CASK: variants seen among roughly 807,000 people sequenced by gnomAD.
The protein encoded by CASK is calcium/calmodulin dependent serine protein kinase.
In CASK, 4 loss-of-function variants were observed where a neutral mutation model predicts 82.9. The ratio of observed to expected loss-of-function variants is 0.05; its 90% CI spans 0.02 to 0.11. The LOEUF is 0.11. Among genes scored for constraint, CASK ranks in the 10% least tolerant of loss-of-function variants. The pLI is 1.00. For synonymous variants in CASK, 259 were observed against 253.5 expected (o/e 1.02, Z -0.20); for missense variants, 358 against 720.9 (o/e 0.50, Z 5.76).
intron 12 of CASK, among the ~76,000 whole-genome samples, chrX:41,597,195 T>C (rs1001548578): frequency 3.6e-5 from 4 of 112,041 alleles, no homozygotes; most frequent in African/African-American, 1.3e-4. Flanking sequence ...ATAAAATAAT[T>C]ATCACTGAGT....
chrX:41,827,037 G>A (rs2070683553), intron 2 of CASK, among the ~76,000 whole-genome samples: 1 of 111,951 alleles, frequency 8.9e-6, no homozygotes, highest in Non-Finnish European at 1.9e-5. Context: ...AAAATACAAT[G>A]TAATGCATTT....
intron 8 of CASK, among the ~76,000 whole-genome samples, chrX:41,656,073 T>C (rs2066934363): frequency 9.0e-6 from 1 of 111,461 alleles, no homozygotes; most frequent in African/African-American, 3.3e-5. Context: ...ATGATTGACA[T>C]TGACAAGCAG....
At chrX:41,830,798 C>T (rs1487382155) in intron 2 of CASK, among the ~76,000 whole-genome samples, 2 of 84,729 alleles carry the variant, frequency 2.4e-5, no homozygotes, top group Non-Finnish European at 4.4e-5. Flanking sequence ...CCAGCCTGGG[C>T]GACAGAGCGA....
rs191483430 is a variant in CASK, at chrX:41,918,852, A to G, written c.59+4078T>C. Reference sequence around the variant, plus strand: ...CTCATTATAGCTGCATATTAGAATCACACAGAGAGCTTTAAAAAAATGTCA... The same window carrying G: ...CTCATTATAGCTGCATATTAGAATCGCACAGAGAGCTTTAAAAAAATGTCA... On this transcript the variant is annotated intron_variant, in intron 1 of 26. Transcript: ENST00000378163. Among the ~76,000 whole-genome samples, 146 of 112,317 alleles carry G rather than the reference A, an allele frequency of 1.3e-3. 2 individuals are homozygous for G. Among genetic ancestry groups the G allele is most frequent in the African/African-American group, 4.6e-3 (141 of 30,924 alleles).
chrX:41,847,546 T>C (rs968941877), intron 2 of CASK, among the ~76,000 whole-genome samples: 2 of 112,204 alleles, frequency 1.8e-5, no homozygotes, highest in African/African-American at 6.5e-5. Flanking sequence ...TCAGGAACAG[T>C]TTCTATGGAT....
At chrX:41,778,453 A>G (rs1448900145) in intron 3 of CASK, among the ~76,000 whole-genome samples, 1 of 110,784 alleles carries the variant, frequency 9.0e-6, no homozygotes. Flanking sequence ...TTAGTCTCAA[A>G]CTTCTGACCT....
chrX:41,770,242 A>AATCT (rs747617749), intron 3 of CASK, among the ~76,000 whole-genome samples: 1 of 106,431 alleles, frequency 9.4e-6, no homozygotes, highest in Non-Finnish European at 1.9e-5. Context: ...AAAATAATAC[A>AATCT]ATCTATCTAT....
At chrX:41,691,015 A>G (rs920394039) in intron 5 of CASK, among the ~76,000 whole-genome samples, 1 of 111,965 alleles carries the variant, frequency 8.9e-6, no homozygotes, top group African/African-American at 3.2e-5. Flanking sequence ...TGTCTAATAC[A>G]TAGTTCTAAA....
chrX:41,907,092 A>C (rs895277612), intron 1 of CASK, among the ~76,000 whole-genome samples: 1 of 112,214 alleles, frequency 8.9e-6, no homozygotes, highest in African/African-American at 3.2e-5. Context: ...TGTCTAACTC[A>C]ATCATTTCTA....
chrX:41,833,350 T>C (rs764815172), intron 2 of CASK, among the ~76,000 whole-genome samples: 1 of 112,166 alleles, frequency 8.9e-6, no homozygotes, highest in South Asian at 3.7e-4. Context: ...ACTACATGGA[T>C]GAACCTTGAA....
intron 5 of CASK, among the ~76,000 whole-genome samples, chrX:41,738,068 G>A (rs1178676750): frequency 2.7e-5 from 3 of 113,030 alleles, no homozygotes; most frequent in African/African-American, 6.4e-5. Flanking sequence ...TGTGCCTCCT[G>A]GGTTCAAGCG....
At chrX:41,642,458 T>A (rs1465685499) in intron 8 of CASK, among the ~76,000 whole-genome samples, 1 of 112,255 alleles carries the variant, frequency 8.9e-6, no homozygotes, top group African/African-American at 3.2e-5. Context: ...TGAGATGGTA[T>A]CTCATTATGG....
At chrX:41,745,928 A>G (rs1002171848) in intron 3 of CASK, among the ~76,000 whole-genome samples, 3 of 111,918 alleles carry the variant, frequency 2.7e-5, no homozygotes, top group African/African-American at 9.7e-5. Flanking sequence ...TTGTGTGCAT[A>G]TTTTTAAGTC....
chrX:41,867,131 G>T (rs2071605687), intron 1 of CASK, among the ~76,000 whole-genome samples: 1 of 112,120 alleles, frequency 8.9e-6, no homozygotes, highest in Non-Finnish European at 1.9e-5. Context: ...AAAGTTAGGG[G>T]TTACAGTATT....
At chrX:41,535,438 G>C (rs2064861419) in intron 22 of CASK, among the ~76,000 whole-genome samples, 2 of 110,487 alleles carry the variant, frequency 1.8e-5, no homozygotes, top group Non-Finnish European at 3.8e-5. Flanking sequence ...TCTAGAGATG[G>C]ATGAGAAATG....
chrX:41,778,197 A>G (rs2069400643), intron 3 of CASK, among the ~76,000 whole-genome samples: 1 of 111,455 alleles, frequency 9.0e-6, no homozygotes, highest in Non-Finnish European at 1.9e-5. Context: ...CTAAATTTTT[A>G]CAAGTTATGT....
At chrX:41,786,593 T>C (rs1405690306) in intron 3 of CASK, among the ~76,000 whole-genome samples, 1 of 110,384 alleles carries the variant, frequency 9.1e-6, no homozygotes, top group Non-Finnish European at 1.9e-5. Context: ...TGCTGTCCTA[T>C]AAAGCTTTAT....
At chrX:41,577,609 T>C (rs2065501113) in intron 15 of CASK, among the ~76,000 whole-genome samples, 1 of 111,677 alleles carries the variant, frequency 9.0e-6, no homozygotes, top group African/African-American at 3.3e-5. Flanking sequence ...TTCTTTCCAT[T>C]GGGAAACTAT....
chrX:41,691,185 T>C (rs975757681), intron 5 of CASK, among the ~76,000 whole-genome samples: 3 of 112,196 alleles, frequency 2.7e-5, no homozygotes, highest in Non-Finnish European at 5.6e-5. Context: ...TCAGGATATG[T>C]GCTTTGTGCT....
Sources: allele counts gnomAD v4.1 joint callset (sites outside exome capture counted in the v4.1 genomes callset), GRCh38; gene constraint gnomAD v4.1.1; transcripts MANE v1.5; gene names NCBI Gene and HGNC (gene_info 2026-07-23, HGNC 2026-07-21).